HPRT1: variants seen among roughly 807,000 people sequenced by gnomAD.
The protein encoded by HPRT1 is hypoxanthine-guanine phosphoribosyltransferase.
HPRT1 carries 4 observed loss-of-function variants against 19.0 expected under a neutral mutation model. That is an observed-to-expected ratio of 0.21 (90% CI 0.10 to 0.48). HPRT1 has a LOEUF of 0.48. Among genes scored for constraint, HPRT1 ranks in the 20% least tolerant of loss-of-function variants. The pLI is 0.98. For missense variants in HPRT1, 65 were observed against 164.0 expected (o/e 0.40, Z 3.30); for synonymous variants, 53 against 54.9 (o/e 0.97, Z 0.15).
In HPRT1 at chrX:134,460,221, G is replaced by C. The variant is rs977367916; in HGVS notation, c.-91G>C. The stretch of plus-strand genomic sequence containing the variant: ...GAACCTCTCGGCTTTCCCGCGCGGC[G>C]CCGCCTCTTGCTGCGCCTCCGCCTC... On this transcript the variant is annotated 5_prime_UTR_variant, in exon 1 of 9. Transcript: ENST00000298556. The C allele has an allele frequency of 2.1e-5, 21 of 986,583 alleles. No homozygotes were observed. In the African/African-American group the frequency reaches 3.6e-4, roughly 17 times the overall value. 81.3% of individuals were successfully genotyped at this position (986,583 alleles called of 1,213,427 possible). A position where few individuals can be genotyped will look rare whatever the true frequency, so the allele number is the denominator to read the frequency against.
chrX:134,490,236 T>C (rs2077662954), intron 5 of HPRT1, 31 bp downstream of exon 5: 1 of 908,191 alleles, frequency 1.1e-6, no homozygotes, highest in Non-Finnish European at 1.6e-6. Flanking sequence ...AATATAACAT[T>C]TATGACTTTT....
At chrX:134,491,929 GTATA>G (rs1162185506) in intron 5 of HPRT1, among the ~76,000 whole-genome samples, 2 of 95,831 alleles carry the variant, frequency 2.1e-5, no homozygotes, top group Non-Finnish European at 4.1e-5. Flanking sequence ...ATGTATGTAT[GTATA>G]TATGTGTGTG....
chrX:134,466,772 C>G lies in HPRT1; in HGVS notation c.27+6434C>G, dbSNP rs777995407. On this transcript the variant is annotated intron_variant, in intron 1 of 8. Transcript: ENST00000298556. Reference sequence around the variant, plus strand: ...GTTGGTTTACACGGCTGTGCTAGTTCAGTAGCAGAAAGGTGCTGGTCTCCT... The same window carrying G: ...GTTGGTTTACACGGCTGTGCTAGTTGAGTAGCAGAAAGGTGCTGGTCTCCT... Among the ~76,000 whole-genome samples the G allele has an allele frequency of 8.0e-5, 9 of 111,886 alleles. 1 individual carries two copies. Among genetic ancestry groups the G allele is most frequent in the Non-Finnish European group, 1.7e-4 (9 of 53,260 alleles).
At chrX:134,478,246 C>T (rs2077630727) in intron 3 of HPRT1, among the ~76,000 whole-genome samples, 1 of 111,572 alleles carries the variant, frequency 9.0e-6, no homozygotes. Flanking sequence ...TATAAAGAAA[C>T]ATTATGATGT....
intron 1 of HPRT1, among the ~76,000 whole-genome samples, chrX:134,469,940 AGTT>A (rs1448078764): frequency 8.9e-6 from 1 of 112,605 alleles, no homozygotes; most frequent in Non-Finnish European, 1.9e-5. Flanking sequence ...TAAAATACTT[AGTT>A]GTTGTAAAAT....
intron 6 of HPRT1, among the ~76,000 whole-genome samples, chrX:134,496,645 G>A (rs2077680982): frequency 8.9e-6 from 1 of 112,000 alleles, no homozygotes; most frequent in Non-Finnish European, 1.9e-5. Flanking sequence ...TCCATTTATT[G>A]GAAGAGTCAT....
At chrX:134,473,088 C>G (rs1038742999) in intron 1 of HPRT1, among the ~76,000 whole-genome samples, 1 of 110,531 alleles carries the variant, frequency 9.0e-6, no homozygotes, top group African/African-American at 3.3e-5. Context: ...CGGGATTTCA[C>G]CGTGTTGCCC....
At chrX:134,474,265 T>A (rs2077617737) in intron 2 of HPRT1, among the ~76,000 whole-genome samples, 1 of 111,778 alleles carries the variant, frequency 8.9e-6, no homozygotes, top group Non-Finnish European at 1.9e-5. Flanking sequence ...CTTTTACATG[T>A]TTGGTACTTG....
chrX:134,490,445 ACTCT>A (rs1278492876), intron 5 of HPRT1, among the ~76,000 whole-genome samples: 42 of 102,477 alleles, frequency 4.1e-4, no homozygotes, highest in East Asian at 2.1e-3. Flanking sequence ...TCTAAACATA[ACTCT>A]CTCTCTCTAT....
intron 2 of HPRT1, among the ~76,000 whole-genome samples, chrX:134,474,420 CTTTTT>C (rs5903877): frequency 1.1e-5 from 1 of 94,723 alleles, no homozygotes. Context: ...CAATTTGTCT[CTTTTT>C]TTTTTTTTTT....
intron 3 of HPRT1, among the ~76,000 whole-genome samples, chrX:134,481,485 C>T (rs1437195944): frequency 3.7e-4 from 38 of 103,703 alleles, no homozygotes; most frequent in African/African-American, 1.3e-3. Context: ...CCATCTTTGT[C>T]TCTATCTCTA....
Position 134,475,230 on chromosome X carries a change from A to G in HPRT1, c.184A>G (p.Ile62Val), listed in dbSNP as rs1602741112. ...GATGAAGGAGATGGGAGGCCATCACATTGTAGCCCTCTGTGTGCTCAAGGG... is the reference window on the plus strand; with the variant it reads ...GATGAAGGAGATGGGAGGCCATCACGTTGTAGCCCTCTGTGTGCTCAAGGG... Reference protein sequence around the residue: ...DVMKEMGGHHIVALCVLKGGY... With the variant: ...DVMKEMGGHHVVALCVLKGGY... The change falls in exon 3 of 9, where the codon ATT becomes GTT. Residue 62 changes from isoleucine (I) to valine (V), a missense_variant. By Grantham distance (29) the Ile-to-Val change is conservative (BLOSUM62 3). Transcript: ENST00000298556. The G allele has an allele frequency of 8.3e-7, 1 of 1,202,341 alleles. No homozygotes were observed. The highest frequency in any genetic ancestry group is 1.1e-6 in the Non-Finnish European group (1 of 886,925).
chrX:134,472,583 A>G (rs948472747), intron 1 of HPRT1, among the ~76,000 whole-genome samples: 1 of 111,366 alleles, frequency 9.0e-6, no homozygotes, highest in Non-Finnish European at 1.9e-5. Context: ...TTTGTTTTTT[A>G]AAGACGAAAT....
chrX:134,477,154 G>A (rs577998403), intron 3 of HPRT1, among the ~76,000 whole-genome samples: 6 of 105,820 alleles, frequency 5.7e-5, no homozygotes, highest in South Asian at 8.2e-4. Context: ...TCCACCTCCC[G>A]GGTTCAAGCA....
intron 1 of HPRT1, among the ~76,000 whole-genome samples, chrX:134,465,598 A>T (rs990261879): frequency 8.9e-6 from 1 of 112,436 alleles, no homozygotes; most frequent in Non-Finnish European, 1.9e-5. Flanking sequence ...ATTTCTCAAT[A>T]CTCTTTCAGA....
chrX:134,500,140 T>C lies in HPRT1; in HGVS notation c.*63T>C. ...CCTATTGACATCGCCAGTAAAATTA[T>C]CAATGTTCTAGTTCTGTGGCCATCT... On this transcript the variant is annotated 3_prime_UTR_variant, in exon 9 of 9. Coordinates refer to ENST00000298556, the MANE Select transcript of HPRT1 (RefSeq NM_000194.3). The C allele has an allele frequency of 1.3e-6, 1 of 762,236 alleles. No homozygotes were observed. Among genetic ancestry groups the C allele is most frequent in the Non-Finnish European group, 2.1e-6 (1 of 484,868 alleles). 62.8% of individuals were successfully genotyped at this position (762,236 alleles called of 1,213,427 possible).
chrX:134,473,276 AAG>A, intron 1 of HPRT1, 81 bp from the exon 2 acceptor site: 2 of 628,055 alleles, frequency 3.2e-6, no homozygotes, highest in Non-Finnish European at 5.4e-6. Flanking sequence ...CTGATAGACT[AAG>A]GTTATTTTTT....
chrX:134,471,064 C>G, intron 1 of HPRT1, among the ~76,000 whole-genome samples: 1 of 96,729 alleles, frequency 1.0e-5, no homozygotes, highest in Non-Finnish European at 2.0e-5. Context: ...TTTTTGTATT[C>G]TGATTTTTTG....
At chrX:134,477,218 G>C (rs2077628245) in intron 3 of HPRT1, among the ~76,000 whole-genome samples, 1 of 106,562 alleles carries the variant, frequency 9.4e-6, no homozygotes, top group Non-Finnish European at 1.9e-5. Context: ...CTGCCACTAT[G>C]CCCGGCTAAT....
Sources: gnomAD v4.1 joint callset for allele counts (sites outside exome capture counted in the v4.1 genomes callset) on GRCh38, gnomAD v4.1.1 for gene constraint, MANE v1.5 for transcripts, NCBI Gene and HGNC (gene_info 2026-07-23, HGNC 2026-07-21) for gene names.